Variants in ARHGAP26 observed in about 807,000 individuals in gnomAD.
The protein encoded by ARHGAP26 is rho GTPase-activating protein 26.
ARHGAP26 carries 38 observed loss-of-function variants against 104.8 expected under a neutral mutation model. The ratio of observed to expected loss-of-function variants is 0.36; its 90% CI spans 0.28 to 0.48. The LOEUF is 0.48. ARHGAP26 is among the 20% of genes least tolerant of loss of function. The pLI is 0.99. For missense variants in ARHGAP26, 704 were observed against 947.9 expected (o/e 0.74, Z 3.38); for synonymous variants, 341 against 340.0 (o/e 1.00, Z -0.03).
rs750638067 is a variant in ARHGAP26, at chr5:143,121,039, G to A, written c.1590G>A (p.Val530=). ...QNLMTVANLG[V]VFGPTLLRPQ... ...TGATGACGGTGGCAAACCTTGGTGT[G>A]GTGTTTGGACCCACTCTGCTGAGGC... The change falls in exon 18 of 23, where the codon GTG becomes GTA. Residue 530 remains valine (V), a synonymous_variant. Coordinates refer to ENST00000645722, the MANE Select transcript of ARHGAP26 (RefSeq NM_001135608.3). The A allele has an allele frequency of 3.7e-6, 6 of 1,613,412 alleles. No homozygotes were observed. The Admixed American group carries it at 6.7e-5, about 18-fold the overall frequency.
At chr5:143,138,157 G>T (rs1165424177) in intron 19 of ARHGAP26, among the ~76,000 whole-genome samples, 1 of 152,146 alleles carries the variant, frequency 6.6e-6, no homozygotes, top group Non-Finnish European at 1.5e-5. Flanking sequence ...TTTGTGTTTT[G>T]TTTTGTTTTG....
intron 10 of ARHGAP26, among the ~76,000 whole-genome samples, chr5:142,924,113 C>T (rs905715067): frequency 1.3e-5 from 2 of 152,064 alleles, no homozygotes; most frequent in African/African-American, 4.8e-5. Context: ...CCACCCGCCT[C>T]GGCATCCCAA....
intron 17 of ARHGAP26, chr5:143,058,076 A>T: frequency 1.9e-6 from 1 of 535,526 alleles, no homozygotes. Flanking sequence ...GTGGGATTAT[A>T]TGTTCTTATG....
intron 12 of ARHGAP26, among the ~76,000 whole-genome samples, chr5:143,018,038 G>A (rs1598649784): frequency 6.6e-6 from 1 of 152,188 alleles, no homozygotes; most frequent in East Asian, 1.9e-4. Context: ...TTGCCAGTCT[G>A]ATAGGTGTAA....
rs182904936 is a variant in ARHGAP26, at chr5:142,839,425, C to T, written c.155-33975C>T. ...GCTAATGTACAGAGCGGTCATATAA[C>T]TTGCCCAAGGTCATCCAGCTAACAG... On this transcript the variant is annotated intron_variant, in intron 1 of 22. Coordinates refer to ENST00000645722, the MANE Select transcript of ARHGAP26 (RefSeq NM_001135608.3). 1.8e-4 allele frequency among the ~76,000 whole-genome samples: 28 copies of T among 152,158 alleles called. No individual in the cohort carries two copies. In the East Asian group the frequency reaches 5.0e-3, roughly 27 times the overall value.
rs1319078780 is a variant in ARHGAP26, at chr5:143,222,937, G to A, written c.*491G>A. ...CCTCTCAGTACTTGAGACTTAAAGT[G>A]CTACAGGCAGCTGGATCTGTTTGCA... On this transcript the variant is annotated 3_prime_UTR_variant, in exon 23 of 23. Coordinates refer to ENST00000645722, the MANE Select transcript of ARHGAP26 (RefSeq NM_001135608.3). The A allele has an allele frequency of 4.3e-6, 1 of 233,190 alleles. No homozygotes were observed. The highest frequency in any genetic ancestry group is 2.2e-5 in the African/African-American group (1 of 45,300). 14.4% of individuals were successfully genotyped at this position (233,190 alleles called of 1,614,324 possible).
intron 11 of ARHGAP26, among the ~76,000 whole-genome samples, chr5:142,999,902 A>G (rs955867976): frequency 2.0e-4 from 31 of 152,232 alleles, no homozygotes; most frequent in African/African-American, 7.5e-4. Context: ...CAGAATGTAT[A>G]GAGAACCCAT....
At chr5:143,168,698 C>T (rs1164117659) in intron 20 of ARHGAP26, 2 of 151,938 alleles carry the variant, frequency 1.3e-5, no homozygotes, top group African/African-American at 2.4e-5. Context: ...TGTTTGGTTG[C>T]CTTGGAGTTA....
chr5:143,029,242 G>A (rs1454595982), intron 12 of ARHGAP26, among the ~76,000 whole-genome samples: 1 of 152,092 alleles, frequency 6.6e-6, no homozygotes, highest in Non-Finnish European at 1.5e-5. Context: ...GAATGAGGGA[G>A]GCCAACCAGG....
At chr5:142,799,355 C>T (rs1009198598) in intron 1 of ARHGAP26, among the ~76,000 whole-genome samples, 1 of 152,126 alleles carries the variant, frequency 6.6e-6, no homozygotes, top group African/African-American at 2.4e-5. Context: ...GAGTAGTTTG[C>T]GTGGTGCCTG....
chr5:142,858,907 G>A (rs1444737734), intron 1 of ARHGAP26, among the ~76,000 whole-genome samples: 1 of 152,212 alleles, frequency 6.6e-6, no homozygotes, highest in Non-Finnish European at 1.5e-5. Flanking sequence ...ACAGGGGAGT[G>A]TTTCAGAAAG....
intron 17 of ARHGAP26, among the ~76,000 whole-genome samples, chr5:143,076,852 G>A (rs951119569): frequency 1.3e-5 from 2 of 152,268 alleles, no homozygotes; most frequent in East Asian, 1.9e-4. Flanking sequence ...TATGCCACAC[G>A]TTATTTATCC....
intron 11 of ARHGAP26, among the ~76,000 whole-genome samples, chr5:142,984,903 G>A (rs1056705212): frequency 6.6e-6 from 1 of 150,376 alleles, no homozygotes; most frequent in Admixed American, 6.7e-5. Context: ...TTATTTTAAA[G>A]TGTACCCCTT....
intron 20 of ARHGAP26, among the ~76,000 whole-genome samples, chr5:143,206,626 G>A (rs2151347641): frequency 6.6e-6 from 1 of 152,320 alleles, no homozygotes; most frequent in East Asian, 1.9e-4. Flanking sequence ...CGTCTCCCAA[G>A]AGGTGTATCT....
chr5:142,956,632 A>G (rs952202328), intron 11 of ARHGAP26, among the ~76,000 whole-genome samples: 2 of 152,206 alleles, frequency 1.3e-5, no homozygotes, highest in Non-Finnish European at 2.9e-5. Context: ...CATTCAAGAC[A>G]TCTGTGACTT....
chr5:142,915,792 G>T (rs1454260653), intron 10 of ARHGAP26: 1 of 152,126 alleles, frequency 6.6e-6, no homozygotes, highest in Non-Finnish European at 1.5e-5. Flanking sequence ...TTTGACCCCA[G>T]TGCCTTTCTG....
At chr5:143,181,457 T>C (rs149881415) in intron 20 of ARHGAP26, among the ~76,000 whole-genome samples, 1 of 152,302 alleles carries the variant, frequency 6.6e-6, no homozygotes, top group African/African-American at 2.4e-5. Flanking sequence ...TCCTCCTCCA[T>C]GCTCCCTAAA....
chr5:143,045,809 C>CGGT (rs1784141807), intron 14 of ARHGAP26, among the ~76,000 whole-genome samples: 1 of 152,064 alleles, frequency 6.6e-6, no homozygotes, highest in East Asian at 1.9e-4. Context: ...AGCAGCCAGG[C>CGGT]CAACATGGTG....
chr5:142,874,184 T>C (rs1252563816), intron 2 of ARHGAP26, among the ~76,000 whole-genome samples: 1 of 152,204 alleles, frequency 6.6e-6, no homozygotes, highest in Non-Finnish European at 1.5e-5. Flanking sequence ...GGTGTGTTGC[T>C]TCACTCTTCA....
Sources: gnomAD v4.1 joint callset for allele counts (sites outside exome capture counted in the v4.1 genomes callset) on GRCh38, gnomAD v4.1.1 for gene constraint, MANE v1.5 for transcripts, NCBI Gene and HGNC (gene_info 2026-07-23, HGNC 2026-07-21) for gene names.